Variants in PRKCQ observed in about 807,000 individuals in gnomAD.
The protein encoded by PRKCQ is protein kinase C theta type.
Under a neutral mutation model 91.2 loss-of-function variants are expected in PRKCQ, and 41 were observed. That is an observed-to-expected ratio of 0.45 (90% CI 0.35 to 0.58). PRKCQ has a LOEUF of 0.58. PRKCQ is among the 20% of genes least tolerant of loss of function. The pLI is 0.00. For synonymous variants in PRKCQ, 307 were observed against 316.9 expected (o/e 0.97, Z 0.33); for missense variants, 673 against 896.5 (o/e 0.75, Z 3.18).
intron 3 of PRKCQ, among the ~76,000 whole-genome samples, chr10:6,508,757 A>T (rs148432226): frequency 6.6e-6 from 1 of 152,218 alleles, no homozygotes; most frequent in Non-Finnish European, 1.5e-5. Flanking sequence ...CAAGGTTGGC[A>T]GTATTCAGTA....
At chr10:6,411,345 T>G in the PRKCQ span, among the ~76,000 whole-genome samples, 59,246 of 152,048 alleles carry the variant, frequency 0.39, 13,377 homozygotes, top group East Asian at 0.76. Context: ...CTATGATTAT[T>G]TTTTTCCTCA....
the PRKCQ span, among the ~76,000 whole-genome samples, chr10:6,409,483 T>TG: frequency 2.6e-5 from 4 of 152,002 alleles, no homozygotes; most frequent in Non-Finnish European, 4.4e-5. Flanking sequence ...TTAGTAGAGA[T>TG]GGGGTTTCAC....
chr10:6,580,091 C>T (rs1841411434), intron 1 of PRKCQ, 120 bp downstream of exon 1: 1 of 152,242 alleles, frequency 6.6e-6, no homozygotes, highest in Non-Finnish European at 1.5e-5. Context: ...GCCTGCTCAC[C>T]CGGCAGCCCT....
chr10:6,568,360 AT>A (rs947218316), intron 1 of PRKCQ, among the ~76,000 whole-genome samples: 1 of 151,632 alleles, frequency 6.6e-6, no homozygotes, highest in Non-Finnish European at 1.5e-5. Flanking sequence ...ATCCTTTACT[AT>A]TTTTTCTTTA....
chr10:6,428,259 A>T lies in PRKCQ; in HGVS notation c.2069T>A (p.Met690Lys), dbSNP rs749731877. ...RALINSMDQN[M>K]FRNFSFMNPG... ...GTTCATGAAGGAAAAGTTCCTGAAC[A>T]TATTCTGGTCCATGCTGTTGATCAG... Residue 690 changes from methionine to lysine, a missense_variant, in exon 18 of 18, where the codon ATG (methionine) becomes AAG (lysine). Coordinates refer to ENST00000263125, the MANE Select transcript of PRKCQ (RefSeq NM_006257.5). The T allele has an allele frequency of 1.2e-6, 2 of 1,614,204 alleles. No homozygotes were observed. Among genetic ancestry groups the T allele is most frequent in the African/African-American group, 1.3e-5 (1 of 75,048 alleles).
At chr10:6,515,848 G>C (rs980759452) in intron 1 of PRKCQ, among the ~76,000 whole-genome samples, 5 of 152,226 alleles carry the variant, frequency 3.3e-5, no homozygotes, top group African/African-American at 7.2e-5. Context: ...AAGAGGTTTA[G>C]ATGATAGTTA....
At chr10:6,555,057 T>A (rs1241551886) in intron 1 of PRKCQ, among the ~76,000 whole-genome samples, 1 of 151,886 alleles carries the variant, frequency 6.6e-6, no homozygotes, top group African/African-American at 2.4e-5. Flanking sequence ...TATTCTCACT[T>A]AGAAGTGGGA....
At chr10:6,396,539 G>C in the PRKCQ span, among the ~76,000 whole-genome samples, 1 of 152,202 alleles carries the variant, frequency 6.6e-6, no homozygotes, top group Non-Finnish European at 1.5e-5. Context: ...TATACTACAT[G>C]GTCTTTTGTG....
chr10:6,507,834 T>A (rs947920292), intron 3 of PRKCQ, among the ~76,000 whole-genome samples: 4 of 152,224 alleles, frequency 2.6e-5, no homozygotes, highest in East Asian at 1.9e-4. Flanking sequence ...ATCTTCATCA[T>A]GACAAAAGAA....
In PRKCQ at chr10:6,566,631, T is replaced by A. The variant is rs143341757; in HGVS notation, c.-10+13580A>T. On this transcript the variant is annotated intron_variant, in intron 1 of 17. Transcript: ENST00000263125. ...TCAGTGGCCTCTCTCCAGTCTTTTC[T>A]CCTACAAGGGACAACCTCATGGGTT... 9.7e-4 allele frequency among the ~76,000 whole-genome samples: 148 copies of A among 152,230 alleles called. 1 individual carries two copies. The highest frequency in any genetic ancestry group is 3.4e-3 in the African/African-American group (140 of 41,514).
intron 15 of PRKCQ, among the ~76,000 whole-genome samples, chr10:6,452,026 A>G (rs965905214): frequency 4.6e-5 from 7 of 152,172 alleles, no homozygotes; most frequent in African/African-American, 1.7e-4. Flanking sequence ...CAAGACAGGG[A>G]TGCCCTCTCT....
intron 14 of PRKCQ, among the ~76,000 whole-genome samples, chr10:6,457,423 T>C (rs1268203480): frequency 6.6e-6 from 1 of 152,246 alleles, no homozygotes; most frequent in Admixed American, 6.5e-5. Context: ...GGGGGCTTTC[T>C]ATTGTTACCA....
At chr10:6,519,888 C>T (rs1838931722) in intron 1 of PRKCQ, among the ~76,000 whole-genome samples, 1 of 152,108 alleles carries the variant, frequency 6.6e-6, no homozygotes, top group African/African-American at 2.4e-5. Flanking sequence ...GGCATAAAAC[C>T]AGCCTGCACT....
chr10:6,578,174 A>G (rs12244361), intron 1 of PRKCQ, among the ~76,000 whole-genome samples: 3,896 of 152,334 alleles, frequency 0.026, 157 homozygotes, highest in African/African-American at 0.08. Context: ...ATAATCGAAC[A>G]CCATCCCCTT....
At chr10:6,478,177 A>G (rs189136012) in intron 12 of PRKCQ, among the ~76,000 whole-genome samples, 42 of 152,374 alleles carry the variant, frequency 2.8e-4, no homozygotes, top group Admixed American at 2.3e-3. Flanking sequence ...TGTTCAAAAT[A>G]GAGTGTAACA....
chr10:6,487,484 G>C (rs898039171), intron 8 of PRKCQ, among the ~76,000 whole-genome samples: 4 of 152,144 alleles, frequency 2.6e-5, no homozygotes. Context: ...TCCCGATTAA[G>C]GATCTCCAGC....
At chr10:6,447,595 G>A (rs572467873) in intron 15 of PRKCQ, among the ~76,000 whole-genome samples, 1 of 152,160 alleles carries the variant, frequency 6.6e-6, no homozygotes, top group African/African-American at 2.4e-5. Context: ...ACGATCCCCA[G>A]TTGAGGGAGC....
At chr10:6,502,053 T>G (rs1457287087) in intron 4 of PRKCQ, among the ~76,000 whole-genome samples, 3 of 152,188 alleles carry the variant, frequency 2.0e-5, no homozygotes, top group East Asian at 3.9e-4. Flanking sequence ...GCATTCATTG[T>G]GTACTTCCTG....
At chr10:6,449,876 A>C (rs1478187688) in intron 15 of PRKCQ, among the ~76,000 whole-genome samples, 15 of 152,260 alleles carry the variant, frequency 9.9e-5, no homozygotes, top group African/African-American at 3.1e-4. Context: ...TACAGACAAG[A>C]AAATGCTGAG....
Sources: gnomAD v4.1 joint callset for allele counts (sites outside exome capture counted in the v4.1 genomes callset) on GRCh38, gnomAD v4.1.1 for gene constraint, MANE v1.5 for transcripts, NCBI Gene and HGNC (gene_info 2026-07-23, HGNC 2026-07-21) for gene names.